ITGA8: variants seen among roughly 807,000 people sequenced by gnomAD.
The protein encoded by ITGA8 is integrin subunit alpha 8, also known as integrin alpha-8.
In ITGA8, 91 loss-of-function variants were observed where a neutral mutation model predicts 142.3. The observed-to-expected ratio is 0.64, with a 90% CI of 0.54 to 0.76. The LOEUF (loss-of-function observed/expected upper bound fraction) is 0.76, where lower values mean the gene tolerates loss of function less well. Among genes scored for constraint, ITGA8 ranks in the 30% least tolerant of loss-of-function variants. The pLI is 0.00. For synonymous variants in ITGA8, 505 were observed against 485.2 expected, an observed-to-expected ratio of 1.04 and a Z score of -0.54; for missense variants, 1,406 against 1,327.7, an observed-to-expected ratio of 1.06 and a Z score of -0.92.
chr10:15,522,065 A>G (rs369327984), intron 28 of ITGA8, among the ~76,000 whole-genome samples: 1 of 152,336 alleles, frequency 6.6e-6, no homozygotes, highest in East Asian at 1.9e-4. Flanking sequence ...ATAATTTATT[A>G]TCTATTTCAA....
At chr10:15,580,955 T>A (rs1329509655) in intron 23 of ITGA8, among the ~76,000 whole-genome samples, 1 of 152,202 alleles carries the variant, frequency 6.6e-6, no homozygotes, top group Non-Finnish European at 1.5e-5. Flanking sequence ...ATGAAAGGCA[T>A]AAGTATGTAA....
intron 13 of ITGA8, among the ~76,000 whole-genome samples, chr10:15,624,480 G>T (rs2039908): frequency 0.92 from 140,367 of 152,266 alleles, 65,624 homozygotes; most frequent in Non-Finnish European, 1. Context: ...GGACTCAGCT[G>T]TGTTCCTGCA....
chr10:15,714,133 A>G (rs1835409284), intron 2 of ITGA8, among the ~76,000 whole-genome samples: 3 of 152,138 alleles, frequency 2.0e-5, no homozygotes, highest in Non-Finnish European at 2.9e-5. Context: ...AGCATTTAAA[A>G]CAATCAAATA....
chr10:15,648,406 A>G (rs1437100531), intron 11 of ITGA8, among the ~76,000 whole-genome samples: 6 of 150,734 alleles, frequency 4.0e-5, no homozygotes, highest in African/African-American at 1.5e-4. Flanking sequence ...ATTCATGTAT[A>G]TGAATGATAT....
At chr10:15,532,597 A>G (rs927751822) in intron 27 of ITGA8, among the ~76,000 whole-genome samples, 1 of 151,910 alleles carries the variant, frequency 6.6e-6, no homozygotes, top group African/African-American at 2.4e-5. Flanking sequence ...ATAAAAGTCA[A>G]TGTTAAAATA....
intron 17 of ITGA8, among the ~76,000 whole-genome samples, chr10:15,607,167 T>C (rs1264105444): frequency 2.0e-5 from 3 of 152,188 alleles, no homozygotes; most frequent in Non-Finnish European, 4.4e-5. Flanking sequence ...TGAAGATAGG[T>C]AATTGTGTTA....
At chr10:15,643,319 G>A (rs1194945321) in intron 13 of ITGA8, among the ~76,000 whole-genome samples, 4 of 152,032 alleles carry the variant, frequency 2.6e-5, no homozygotes, top group African/African-American at 9.7e-5. Context: ...TCACTCTGTC[G>A]CCCAGGTTAG....
chr10:15,716,879 C>G (rs1026613721), intron 2 of ITGA8, among the ~76,000 whole-genome samples: 1 of 152,100 alleles, frequency 6.6e-6, no homozygotes, highest in Middle Eastern at 3.2e-3. Flanking sequence ...TCAGGCTGGT[C>G]TTGAACTCCT....
chr10:15,641,431 T>G (rs1833869658), intron 13 of ITGA8, among the ~76,000 whole-genome samples: 1 of 152,200 alleles, frequency 6.6e-6, no homozygotes, highest in Admixed American at 6.5e-5. Context: ...TCTAGTCGCC[T>G]GCCTCTAAGG....
At chr10:15,537,771 G>T (rs1384531661) in intron 27 of ITGA8, among the ~76,000 whole-genome samples, 1 of 152,144 alleles carries the variant, frequency 6.6e-6, no homozygotes, top group African/African-American at 2.4e-5. Flanking sequence ...TGTCATTTAG[G>T]TTGTATAGAC....
chr10:15,561,235 GTATA>G (rs796194795), intron 25 of ITGA8, among the ~76,000 whole-genome samples: 174 of 101,574 alleles, frequency 1.7e-3, no homozygotes, highest in African/African-American at 5.3e-3. Context: ...ATATATATAT[GTATA>G]TATATATATA....
At chr10:15,651,707 T>C (rs1336815041) in intron 11 of ITGA8, among the ~76,000 whole-genome samples, 1 of 152,142 alleles carries the variant, frequency 6.6e-6, no homozygotes, top group Admixed American at 6.5e-5. Flanking sequence ...CCCATAAATG[T>C]GTGCGTGCAG....
In ITGA8 at chr10:15,517,282, C is replaced by G. The variant is rs757231641; in HGVS notation, c.3106-38G>C. 35 of 1,409,966 alleles carry G rather than the reference C, an allele frequency of 2.5e-5. No individual in the cohort carries two copies. The South Asian group carries it at 4.1e-4, about 16-fold the overall frequency. The allele number at this position is 1,409,966 out of a possible 1,614,324, so 87.3% of individuals were successfully genotyped here. Reference sequence around the variant, plus strand: ...AGATGGGCTATAAAATCACGTCATTCTGGGAACCTGTGAAACCCCTCATTC... The same window carrying G: ...AGATGGGCTATAAAATCACGTCATTGTGGGAACCTGTGAAACCCCTCATTC... On this transcript the variant is annotated intron_variant, in intron 29 of 29. Coordinates refer to ENST00000378076, the MANE Select transcript of ITGA8 (RefSeq NM_003638.3).
intron 2 of ITGA8, among the ~76,000 whole-genome samples, chr10:15,715,957 C>T (rs981061048): frequency 3.3e-5 from 5 of 152,234 alleles, no homozygotes; most frequent in African/African-American, 1.2e-4. Context: ...TCCTTCCCCA[C>T]ACCCATTTTC....
At chr10:15,635,579 C>T (rs1463884171) in intron 13 of ITGA8, among the ~76,000 whole-genome samples, 1 of 152,136 alleles carries the variant, frequency 6.6e-6, no homozygotes, top group Non-Finnish European at 1.5e-5. Context: ...TGACAACACT[C>T]CTCAATTGAA....
At chr10:15,583,161 C>A (rs1834445073) in intron 23 of ITGA8, among the ~76,000 whole-genome samples, 1 of 152,166 alleles carries the variant, frequency 6.6e-6, no homozygotes, top group African/African-American at 2.4e-5. Context: ...GGCACATATA[C>A]AATGTGGAAT....
intron 7 of ITGA8, among the ~76,000 whole-genome samples, chr10:15,672,371 A>G (rs1457665273): frequency 2.0e-5 from 3 of 152,224 alleles, no homozygotes; most frequent in South Asian, 4.1e-4. Context: ...CATAGTATCT[A>G]CTACTGGTGA....
chr10:15,533,262 A>G (rs143990426), intron 27 of ITGA8, among the ~76,000 whole-genome samples: 1,653 of 152,312 alleles, frequency 0.011, 25 homozygotes, highest in African/African-American at 0.038. Flanking sequence ...TAAAGTTACA[A>G]TATCTTTGAA....
chr10:15,649,798 C>G (rs997131306), intron 11 of ITGA8, among the ~76,000 whole-genome samples: 6 of 152,024 alleles, frequency 3.9e-5, no homozygotes, highest in African/African-American at 1.4e-4. Flanking sequence ...GCTGATGGTA[C>G]CAAACATTGG....
Sources: gnomAD v4.1 joint callset for allele counts (sites outside exome capture counted in the v4.1 genomes callset) on GRCh38, gnomAD v4.1.1 for gene constraint, MANE v1.5 for transcripts, NCBI Gene and HGNC (gene_info 2026-07-23, HGNC 2026-07-21) for gene names.